PARP9: variants seen among roughly 807,000 people sequenced by gnomAD.
PARP9 encodes the protein poly(ADP-ribose) polymerase family member 9.
Under a neutral mutation model 68.8 loss-of-function variants are expected in PARP9, and 48 were observed. That is an observed-to-expected ratio of 0.70 (90% CI 0.55 to 0.89). The LOEUF (loss-of-function observed/expected upper bound fraction) is 0.89, where lower values mean the gene tolerates loss of function less well. Ranked by LOEUF, PARP9 falls within the 40% of genes least tolerant of loss-of-function variation. The pLI is 0.00. For missense variants in PARP9, 806 were observed against 969.3 expected (o/e 0.83, Z 2.24); for synonymous variants, 309 against 333.8 (o/e 0.93, Z 0.81).
chr3:122,547,314 C>T (rs1284065065), intron 6 of PARP9, among the ~76,000 whole-genome samples: 5 of 151,432 alleles, frequency 3.3e-5, no homozygotes, highest in Non-Finnish European at 7.4e-5. Context: ...AGACTGGTCT[C>T]GAATTCCTGA....
rs147957758 is a variant in PARP9 at position 122,558,462 on chromosome 3, G to A, written c.21C>T (p.Ala7=). 3.8e-5 allele frequency: 61 copies of A among 1,613,546 alleles called. No individual in the cohort carries two copies. Among genetic ancestry groups the A allele is most frequent in the South Asian group, 2.7e-4 (25 of 91,070 alleles). MDFSMV[A]GAAAYNEKSE... ...ATTTTTCATTGTAAGCTGCTGCTCCGGCCACCTGTGAAAAATGAGAATGGC... is the reference window on the plus strand; with the variant it reads ...ATTTTTCATTGTAAGCTGCTGCTCCAGCCACCTGTGAAAAATGAGAATGGC... Residue 7 remains alanine, a synonymous_variant, in exon 3 of 11, where the codon GCC becomes GCT. Transcript: ENST00000682323.
intron 10 of PARP9, chr3:122,535,333 C>A: frequency 1.0e-6 from 1 of 985,224 alleles, no homozygotes; most frequent in Non-Finnish European, 1.2e-6. Context: ...CTCTCCAGAA[C>A]AAAGAAAAGA....
At chr3:122,535,843 C>CAAAAAAAAAAAAAAAAAAAAAA in intron 10 of PARP9, 1 of 846,204 alleles carries the variant, frequency 1.2e-6, no homozygotes, top group Non-Finnish European at 1.4e-6. Context: ...ATAAGTAAGG[C>CAAAAAAAAAAAAAAAAAAAAAA]AAAAAAAAAA....
In PARP9 at chr3:122,556,141, TAAAAAAAAAAAAA is replaced by T. The variant is rs745677021; in HGVS notation, c.50-33_50-21del. ...CAGTCTCTGGAAAAGAAGAGAAGAT[TAAAAAAAAAAAAA>T]AAAAAAAAAAAAAAAAAAAGCACAG... On this transcript the variant is annotated intron_variant, in intron 3 of 10. Coordinates refer to ENST00000682323, the MANE Select transcript of PARP9 (RefSeq NM_001146105.2). The T allele has an allele frequency of 0.031, 6,411 of 208,908 alleles. 63 individuals are homozygous for T. Among genetic ancestry groups the T allele is most frequent in the Middle Eastern group, 0.049 (39 of 802 alleles). 12.9% of individuals were successfully genotyped at this position (208,908 alleles called of 1,614,324 possible).
intron 1 of PARP9, among the ~76,000 whole-genome samples, chr3:122,561,499 G>A (rs893388486): frequency 6.6e-6 from 1 of 152,136 alleles, no homozygotes; most frequent in Non-Finnish European, 1.5e-5. Flanking sequence ...CCCTCATGTG[G>A]TTAATGCCAA....
chr3:122,563,092 C>T (rs777204139), intron 1 of PARP9, among the ~76,000 whole-genome samples: 5 of 152,188 alleles, frequency 3.3e-5, no homozygotes, highest in Admixed American at 1.3e-4. Context: ...GCCTCTCTGC[C>T]GCCACTCATC....
chr3:122,544,342 G>T (rs537518207), intron 7 of PARP9, among the ~76,000 whole-genome samples: 1 of 152,162 alleles, frequency 6.6e-6, no homozygotes, highest in African/African-American at 2.4e-5. Context: ...TTTGTTTAAT[G>T]CTTTCAATTT....
At chr3:122,536,470 T>C in intron 9 of PARP9, 128 bp from the exon 10 acceptor site, 4 of 1,437,138 alleles carry the variant, frequency 2.8e-6, no homozygotes, top group Non-Finnish European at 3.6e-6. Context: ...TCGCTTTTCA[T>C]AGAAAGTTGC....
At chr3:122,540,330 C>T in intron 8 of PARP9, 142 bp downstream of exon 8, 1 of 1,083,374 alleles carries the variant, frequency 9.2e-7, no homozygotes, top group South Asian at 1.7e-5. Context: ...CTCACAAAGG[C>T]TTATGATCTA....
In PARP9 at chr3:122,550,781, C is replaced by G. The variant is rs771270068; in HGVS notation, c.1129G>C (p.Glu377Gln). ...KPQILKHAMKECLEKCIEQNI... is the reference protein window; with the variant it reads ...KPQILKHAMKQCLEKCIEQNI... Reference sequence around the variant, plus strand: ...TGCTCAATGCATTTTTCCAAACACTCCTTCATTGCATGTTTTAATATCTGC... The same window carrying G: ...TGCTCAATGCATTTTTCCAAACACTGCTTCATTGCATGTTTTAATATCTGC... Residue 377 changes from glutamate (E) to glutamine (Q), a missense_variant, in exon 6 of 11, where the codon GAG becomes CAG. Physicochemically the swap from Glu to Gln is conservative, Grantham distance 29. Around this residue, in one of 2 missense-constraint regions of PARP9, gnomAD observed 680 missense variants for 858.8 expected, o/e 0.79. Transcript: ENST00000682323. 1.2e-6 allele frequency: 2 copies of G among 1,613,834 alleles called. No homozygotes were observed. Among genetic ancestry groups the G allele is most frequent in the East Asian group, 2.2e-5 (1 of 44,872 alleles).
intron 6 of PARP9, among the ~76,000 whole-genome samples, chr3:122,546,988 A>ATG (rs1208601548): frequency 5.3e-5 from 4 of 75,492 alleles, no homozygotes. Context: ...ATATATATAT[A>ATG]TATATATATA....
intron 7 of PARP9, 124 bp downstream of exon 7, chr3:122,545,308 G>A: frequency 2.1e-6 from 2 of 942,612 alleles, no homozygotes; most frequent in African/African-American, 3.2e-5. Flanking sequence ...ATCCAAGCAG[G>A]ACCACAATGC....
chr3:122,545,421 T>G lies in PARP9; in HGVS notation c.1384+11A>C, dbSNP rs754851290. 17 of 1,613,942 alleles carry G rather than the reference T, an allele frequency of 1.1e-5. No homozygotes were observed. The highest frequency in any genetic ancestry group is 2.7e-5 in the African/African-American group (2 of 74,930). On this transcript the variant is annotated intron_variant, in intron 7 of 10. Coordinates refer to ENST00000682323, the MANE Select transcript of PARP9 (RefSeq NM_001146105.2). ...CGACCCTACTTATTGGCCTGTGAATTTCTTACTCACCACTGTAATTGTTCA... is the reference window on the plus strand; with the variant it reads ...CGACCCTACTTATTGGCCTGTGAATGTCTTACTCACCACTGTAATTGTTCA...
intron 2 of PARP9, among the ~76,000 whole-genome samples, chr3:122,559,341 C>A (rs2079991559): frequency 6.6e-6 from 1 of 152,218 alleles, no homozygotes; most frequent in Non-Finnish European, 1.5e-5. Context: ...CTTACCCCAA[C>A]CCGAAAAAGC....
chr3:122,552,400 C>A lies in PARP9; in HGVS notation c.1107+18G>T. On this transcript the variant is annotated intron_variant, in intron 5 of 10. Transcript: ENST00000682323. ...TAGACTATGGAGCTAAATAAAGCCACATTTATTTTAAACTTACCTGAGGTT... is the reference window on the plus strand; with the variant it reads ...TAGACTATGGAGCTAAATAAAGCCAAATTTATTTTAAACTTACCTGAGGTT... 6.4e-7 allele frequency: 1 copy of A among 1,555,828 alleles called. No homozygotes were observed. Among genetic ancestry groups the A allele is most frequent in the Non-Finnish European group, 8.8e-7 (1 of 1,131,094 alleles).
At chr3:122,564,406 G>A (rs775815555), upstream of PARP9, 3 of 1,596,874 alleles carry the variant, frequency 1.9e-6, no homozygotes, top group Admixed American at 3.5e-5. Flanking sequence ...GAGCCCCCGC[G>A]CCCTCCCGAC....
chr3:122,529,350 G>A (rs1275795427), intron 10 of PARP9, among the ~76,000 whole-genome samples: 3 of 151,370 alleles, frequency 2.0e-5, no homozygotes, highest in Non-Finnish European at 4.4e-5. Flanking sequence ...GTAACTCCAC[G>A]TAAAAGACAA....
chr3:122,555,666 A>G lies in PARP9; in HGVS notation c.505T>C (p.Trp169Arg). 2 of 1,614,076 alleles carry G rather than the reference A, an allele frequency of 1.2e-6. No individual in the cohort carries two copies. Among genetic ancestry groups the G allele is most frequent in the Non-Finnish European group, 1.7e-6 (2 of 1,180,008 alleles). Reference protein sequence around the residue: ...IHAVGPRWMEWDKQGCTGKLQ... With the variant: ...IHAVGPRWMERDKQGCTGKLQ... Reference sequence around the variant, plus strand: ...TTTCCAGTACATCCCTGTTTATCCCATTCCATCCACCGAGGCCCAACAGCA... The same window carrying G: ...TTTCCAGTACATCCCTGTTTATCCCGTTCCATCCACCGAGGCCCAACAGCA... The change falls in exon 4 of 11, where the codon TGG becomes CGG. Residue 169 changes from tryptophan (W) to arginine (R), a missense_variant. Trp to Arg is a moderately radical substitution (Grantham distance 101, BLOSUM62 -3). Coordinates refer to ENST00000682323, the MANE Select transcript of PARP9 (RefSeq NM_001146105.2).
intron 7 of PARP9, among the ~76,000 whole-genome samples, chr3:122,543,033 A>C (rs2078383097): frequency 6.6e-6 from 1 of 151,922 alleles, no homozygotes; most frequent in Non-Finnish European, 1.5e-5. Context: ...CAGCCTCCTG[A>C]GTAGTTGGGA....
Sources: gnomAD v4.1 joint callset for allele counts (sites outside exome capture counted in the v4.1 genomes callset) on GRCh38, gnomAD v4.1.1 for gene constraint, gnomAD v4.1.1 regional missense constraint, MANE v1.5 for transcripts, NCBI Gene and HGNC (gene_info 2026-07-23, HGNC 2026-07-21) for gene names.